The following GALNT18 variants were observed in gnomAD, a reference collection of about 807,000 sequenced individuals.
GALNT18 encodes GalNAc-transferase 18.
Under a neutral mutation model 69.5 loss-of-function variants are expected in GALNT18, and 44 were observed. The ratio of observed to expected loss-of-function variants is 0.63; its 90% CI spans 0.50 to 0.81. The LOEUF (loss-of-function observed/expected upper bound fraction) is 0.81, where lower values mean the gene tolerates loss of function less well. GALNT18 is among the 40% of genes least tolerant of loss of function. The pLI is 0.00. For missense variants in GALNT18, 715 were observed against 810.0 expected (o/e 0.88, Z 1.42); for synonymous variants, 364 against 318.2 (o/e 1.14, Z -1.53).
At chr11:11,330,552 G>A (rs995365084) in intron 8 of GALNT18, among the ~76,000 whole-genome samples, 12 of 152,162 alleles carry the variant, frequency 7.9e-5, no homozygotes, top group Admixed American at 6.5e-4. Context: ...GAATGTGTAG[G>A]GGGTCAGAGC....
At chr11:11,508,986 G>A (rs2133910306) in intron 1 of GALNT18, among the ~76,000 whole-genome samples, 1 of 152,206 alleles carries the variant, frequency 6.6e-6, no homozygotes, top group East Asian at 1.9e-4. Context: ...TGGCACTCAG[G>A]CTCAACCAGA....
chr11:11,344,901 C>T (rs1238044347), intron 6 of GALNT18, among the ~76,000 whole-genome samples: 1 of 152,100 alleles, frequency 6.6e-6, no homozygotes, highest in East Asian at 1.9e-4. Flanking sequence ...CAATGGATAC[C>T]ACACCAGGCT....
Position 11,432,757 on chromosome 11 carries a change from C to T in GALNT18, c.459G>A (p.Leu153=), listed in dbSNP as rs763979857. The T allele has an allele frequency of 1.2e-6, 2 of 1,614,092 alleles. No homozygotes were observed. The highest frequency in any genetic ancestry group is 1.7e-6 in the Non-Finnish European group (2 of 1,179,982). The part of the protein sequence containing the change: ...GCRNLSFPDS[L]PEVSIVFIFV... The stretch of plus-strand genomic sequence containing the variant: ...AGATGAACACGATGCTCACCTCTGG[C>T]AGGCTGTCAGGAAATGAGAGGTTAC... The change falls in exon 3 of 11, where the codon CTG becomes CTA. Residue 153 remains leucine, a synonymous_variant. Transcript: ENST00000227756. The surrounding 1 kb of genome is among the most constrained non-coding windows in gnomAD (Gnocchi z 5.8).
Position 11,616,825 on chromosome 11 carries a change from T to C in GALNT18, c.235+4534A>G, listed in dbSNP as rs143203290. 5.9e-5 allele frequency among the ~76,000 whole-genome samples: 9 copies of C among 152,362 alleles called. No individual in the cohort carries two copies. The highest frequency in any genetic ancestry group is 1.9e-4 in the African/African-American group (8 of 41,578). On this transcript the variant is annotated intron_variant, in intron 1 of 10. Coordinates refer to ENST00000227756, the MANE Select transcript of GALNT18 (RefSeq NM_198516.3). The surrounding 1 kb of genome is among the most constrained non-coding windows in gnomAD (Gnocchi z 4.4). The stretch of plus-strand genomic sequence containing the variant: ...CGGCATAACCTAATCACGTATTATA[T>C]AAACCAATGAAATATGACGGCTAAA...
rs78606019 is a variant in GALNT18, at chr11:11,503,564, C to T, written c.236-54628G>A. Among the ~76,000 whole-genome samples the T allele has an allele frequency of 3.4e-3, 523 of 152,262 alleles. 2 individuals are homozygous for T. Among genetic ancestry groups the T allele is most frequent in the East Asian group, 9.5e-3 (49 of 5,178 alleles). ...TGGTGCCTGCTCAGGCCAGGCCCTGCGCTAGGCACTATGTGTTCAGCCGCT... is the reference window on the plus strand; with the variant it reads ...TGGTGCCTGCTCAGGCCAGGCCCTGTGCTAGGCACTATGTGTTCAGCCGCT... On this transcript the variant is annotated intron_variant, in intron 1 of 10. Coordinates refer to ENST00000227756, the MANE Select transcript of GALNT18 (RefSeq NM_198516.3).
chr11:11,525,792 G>A (rs969801117), intron 1 of GALNT18, among the ~76,000 whole-genome samples: 6 of 151,784 alleles, frequency 4.0e-5, no homozygotes, highest in South Asian at 4.2e-4. Context: ...CCGCCACCAC[G>A]CCCAGCTAAT....
chr11:11,275,289 T>G (rs982345259), intron 10 of GALNT18, among the ~76,000 whole-genome samples: 2 of 152,260 alleles, frequency 1.3e-5, no homozygotes, highest in African/African-American at 2.4e-5. Context: ...ATTTCTCTAA[T>G]GACCAGAGAT....
chr11:11,277,494 A>G (rs1848974315), intron 10 of GALNT18, among the ~76,000 whole-genome samples: 1 of 151,868 alleles, frequency 6.6e-6, no homozygotes, highest in African/African-American at 2.4e-5. Flanking sequence ...TCATGTCTCT[A>G]TCTCCTTCAG....
Position 11,505,896 on chromosome 11 carries a change from C to T in GALNT18, c.236-56960G>A, listed in dbSNP as rs1218430123. On this transcript the variant is annotated intron_variant, in intron 1 of 10. Transcript: ENST00000227756. This position sits in a 1 kb window ranked among gnomAD's most constrained non-coding sequence, Gnocchi z 4.6. ...CGAGTCAGAGAAGCCAGCCATCCAT[C>T]CTCACTCCTCTGAAAGGAAGTCATC... Among the ~76,000 whole-genome samples the T allele has an allele frequency of 6.6e-6, 1 of 152,214 alleles. No homozygotes were observed. The highest frequency in any genetic ancestry group is 1.5e-5 in the Non-Finnish European group (1 of 68,028).
At chr11:11,579,116 T>C (rs1013341450) in intron 1 of GALNT18, among the ~76,000 whole-genome samples, 1 of 152,212 alleles carries the variant, frequency 6.6e-6, no homozygotes, top group African/African-American at 2.4e-5. Context: ...GGCTGGGAAC[T>C]GGCTGTGGGC....
At chr11:11,525,722 C>T (rs1465509600) in intron 1 of GALNT18, among the ~76,000 whole-genome samples, 1 of 150,666 alleles carries the variant, frequency 6.6e-6, no homozygotes, top group African/African-American at 2.4e-5. Context: ...ACAACCTCCA[C>T]CTGCTGGGTT....
rs1859478664 is a variant in GALNT18 at position 11,595,568 on chromosome 11, C to T, written c.235+25791G>A. On this transcript the variant is annotated intron_variant, in intron 1 of 10. Transcript: ENST00000227756. This position sits in a 1 kb window ranked among gnomAD's most constrained non-coding sequence, Gnocchi z 5.2. ...CAACTTCTCCACATCCTCACCAACA[C>T]TCATTATCCTAGTGGGTGTGAAGCC... is the stretch of plus-strand genomic sequence containing the variant. Among the ~76,000 whole-genome samples the T allele has an allele frequency of 6.6e-6, 1 of 152,224 alleles. No individual in the cohort carries two copies. The highest frequency in any genetic ancestry group is 2.4e-5 in the African/African-American group (1 of 41,466).
rs1357462211 is a variant in GALNT18 at position 11,347,808 on chromosome 11, A to G, written c.1093-6804T>C. The stretch of plus-strand genomic sequence containing the variant: ...TGTGGTTAATTATCTTTTTACGTGT[A>G]ACTGTCTCGCCTAACTTGGCTGCAA... On this transcript the variant is annotated intron_variant, in intron 6 of 10. Coordinates refer to ENST00000227756, the MANE Select transcript of GALNT18 (RefSeq NM_198516.3). This position sits in a 1 kb window ranked among gnomAD's most constrained non-coding sequence, Gnocchi z 4.0. Among the ~76,000 whole-genome samples, 2 of 152,184 alleles carry G rather than the reference A, an allele frequency of 1.3e-5. No individual in the cohort carries two copies. The highest frequency in any genetic ancestry group is 2.4e-5 in the African/African-American group (1 of 41,434).
chr11:11,512,442 G>C (rs1408004713), intron 1 of GALNT18, among the ~76,000 whole-genome samples: 1 of 152,204 alleles, frequency 6.6e-6, no homozygotes, highest in African/African-American at 2.4e-5. Flanking sequence ...ATGGAGGAAA[G>C]CATCCAATCC....
chr11:11,311,980 G>A (rs981022745), intron 9 of GALNT18, among the ~76,000 whole-genome samples: 5 of 152,088 alleles, frequency 3.3e-5, no homozygotes, highest in Admixed American at 6.5e-5. Context: ...TTTTTGAGAC[G>A]GAGTCTCGCT....
intron 9 of GALNT18, among the ~76,000 whole-genome samples, chr11:11,324,509 T>C (rs9666329): frequency 0.2 from 30,894 of 152,160 alleles, 3,483 homozygotes; most frequent in African/African-American, 0.29. Context: ...ATAGCAGGGA[T>C]GTATCTCAGA....
At position 11,494,357 on chromosome 11, in the gene GALNT18, C is replaced by T. The variant is rs556078703; in HGVS notation, c.236-45421G>A. Among the ~76,000 whole-genome samples, 7 of 152,306 alleles carry T rather than the reference C, an allele frequency of 4.6e-5. No individual in the cohort carries two copies. The East Asian group carries it at 1.4e-3, about 29-fold the overall frequency. On this transcript the variant is annotated intron_variant, in intron 1 of 10. Transcript: ENST00000227756. This position sits in a 1 kb window ranked among gnomAD's most constrained non-coding sequence, Gnocchi z 5.7. ...GATCCCATGTGACCCTGAGAGCCTG[C>T]TTCCCCAGTCTATATTTGCCAGTGG...
rs1479268317 is a variant in GALNT18, at chr11:11,387,808, AATG to A, written c.596-8547_596-8545del. On this transcript the variant is annotated intron_variant, in intron 3 of 10. Transcript: ENST00000227756. This position sits in a 1 kb window ranked among gnomAD's most constrained non-coding sequence, Gnocchi z 4.6. ...CAGGACTCAGATGGTCCTGCTGATGAATGATGGTGAGCCTGGCTTGGGCAGCTG... is the reference window on the plus strand; with the variant it reads ...CAGGACTCAGATGGTCCTGCTGATGAATGGTGAGCCTGGCTTGGGCAGCTG... 6.6e-6 allele frequency among the ~76,000 whole-genome samples: 1 copy of A among 152,196 alleles called. No individual in the cohort carries two copies. The highest frequency in any genetic ancestry group is 1.5e-5 in the Non-Finnish European group (1 of 68,038).
rs1850032110 is a variant in GALNT18, at chr11:11,332,411, T to TTG, written c.1416+282_1416+283insCA. On this transcript the variant is annotated intron_variant, in intron 8 of 10. Transcript: ENST00000227756. This position sits in a 1 kb window ranked among gnomAD's most constrained non-coding sequence, Gnocchi z 4.3. ...CCTTACCTTTTAATCTTAAGCTAAC[T>TTG]GCTTTATTATGTGTTTTATTAAGCG... Among the ~76,000 whole-genome samples the TTG allele has an allele frequency of 1.3e-5, 2 of 152,166 alleles. No homozygotes were observed. The highest frequency in any genetic ancestry group is 2.9e-5 in the Non-Finnish European group (2 of 68,030).
Sources: gnomAD v4.1 joint callset for allele counts (sites outside exome capture counted in the v4.1 genomes callset) on GRCh38, gnomAD v4.1.1 for gene constraint, Gnocchi (gnomAD v3.1) non-coding constraint, MANE v1.5 for transcripts, NCBI Gene and HGNC (gene_info 2026-07-23, HGNC 2026-07-21) for gene names.